Variants in EYS observed in about 807,000 individuals in gnomAD.
EYS encodes protein eyes shut homolog.
Under a neutral mutation model 282.1 loss-of-function variants are expected in EYS, and 250 were observed. That is an observed-to-expected ratio of 0.89 (90% CI 0.80 to 0.98). The LOEUF is 0.98. EYS is among the 50% of genes least tolerant of loss of function. EYS has a pLI of 0.00. For missense variants in EYS, 4,016 were observed against 3,709.0 expected (o/e 1.08, Z -2.15); for synonymous variants, 1,355 against 1,282.9 (o/e 1.06, Z -1.20).
At chr6:64,343,298 T>C (rs1203130282) in intron 29 of EYS, among the ~76,000 whole-genome samples, 1 of 151,968 alleles carries the variant, frequency 6.6e-6, no homozygotes, top group South Asian at 2.1e-4. Flanking sequence ...ATTGACCACA[T>C]AGTTGGAAGT....
At chr6:65,214,950 T>C (rs768551467) in intron 12 of EYS, among the ~76,000 whole-genome samples, 1 of 152,164 alleles carries the variant, frequency 6.6e-6, no homozygotes, top group Admixed American at 6.5e-5. Context: ...TTAAGCCCAC[T>C]GTTGAGAACT....
At chr6:64,174,852 G>T (rs918194250) in intron 31 of EYS, among the ~76,000 whole-genome samples, 2 of 151,842 alleles carry the variant, frequency 1.3e-5, no homozygotes, top group South Asian at 4.2e-4. Flanking sequence ...AAGAAAAAAT[G>T]GTAAAATATC....
intron 23 of EYS, among the ~76,000 whole-genome samples, chr6:64,618,239 A>G (rs574506075): frequency 1.3e-5 from 2 of 152,284 alleles, no homozygotes; most frequent in Non-Finnish European, 2.9e-5. Flanking sequence ...CCATAAGCTA[A>G]TATCTCAGCT....
At chr6:63,955,774 C>T (rs112811753) in intron 35 of EYS, among the ~76,000 whole-genome samples, 2,994 of 152,176 alleles carry the variant, frequency 0.02, 89 homozygotes, top group African/African-American at 0.062. Flanking sequence ...CAAGTAATTA[C>T]GCTGAACCCC....
At chr6:64,593,814 A>C (rs1766484249) in intron 24 of EYS, among the ~76,000 whole-genome samples, 1 of 152,152 alleles carries the variant, frequency 6.6e-6, no homozygotes, top group African/African-American at 2.4e-5. Flanking sequence ...TTTTAGTTTG[A>C]CATGAAAAGG....
At chr6:64,422,352 C>T (rs1015856649) in intron 28 of EYS, among the ~76,000 whole-genome samples, 2 of 152,096 alleles carry the variant, frequency 1.3e-5, no homozygotes, top group African/African-American at 4.8e-5. Context: ...TACAGACAAG[C>T]CAAGGGCCTA....
chr6:64,056,193 T>A (rs1770977478), intron 33 of EYS, among the ~76,000 whole-genome samples: 1 of 152,174 alleles, frequency 6.6e-6, no homozygotes, highest in Non-Finnish European at 1.5e-5. Context: ...CTAATAAACT[T>A]TGTGCATGCA....
chr6:65,320,928 T>C (rs1008197722), intron 11 of EYS, among the ~76,000 whole-genome samples: 1 of 152,056 alleles, frequency 6.6e-6, no homozygotes, highest in Non-Finnish European at 1.5e-5. Context: ...TCCTGTGGAG[T>C]TGGCTAAGGC....
chr6:63,783,532 T>C (rs1770289075), intron 39 of EYS, among the ~76,000 whole-genome samples: 1 of 152,086 alleles, frequency 6.6e-6, no homozygotes. Flanking sequence ...AAAATCCTAT[T>C]CTCCAGAAGC....
chr6:65,422,863 C>T (rs1767519338), intron 5 of EYS, among the ~76,000 whole-genome samples: 1 of 151,398 alleles, frequency 6.6e-6, no homozygotes, highest in Non-Finnish European at 1.5e-5. Context: ...TTTATGTGTA[C>T]ATCCTACAAA....
intron 9 of EYS, among the ~76,000 whole-genome samples, chr6:65,352,194 C>A (rs549649797): frequency 6.6e-6 from 1 of 151,842 alleles, no homozygotes; most frequent in Non-Finnish European, 1.5e-5. Flanking sequence ...AATAAATTAT[C>A]ATGTTTTCTG....
At chr6:64,276,619 G>A (rs1055252833) in intron 30 of EYS, among the ~76,000 whole-genome samples, 5 of 152,046 alleles carry the variant, frequency 3.3e-5, no homozygotes, top group Non-Finnish European at 4.4e-5. Context: ...AAGGAAAGAC[G>A]GTAATGCTAG....
At chr6:65,557,639 C>T (rs567172064) in intron 2 of EYS, among the ~76,000 whole-genome samples, 63 of 152,232 alleles carry the variant, frequency 4.1e-4, no homozygotes, top group Admixed American at 1.3e-3. Context: ...TCTGGGAGTG[C>T]GTCACCACCT....
At chr6:65,562,856 A>C (rs747246318) in intron 2 of EYS, among the ~76,000 whole-genome samples, 1 of 152,104 alleles carries the variant, frequency 6.6e-6, no homozygotes, top group Non-Finnish European at 1.5e-5. Flanking sequence ...TTTTGTAAAA[A>C]TGTGATATTA....
intron 13 of EYS, among the ~76,000 whole-genome samples, chr6:65,024,097 C>T (rs1360895385): frequency 6.6e-6 from 1 of 152,056 alleles, no homozygotes; most frequent in African/African-American, 2.4e-5. Context: ...ACAAAACTAA[C>T]TTTAACTTGA....
At chr6:65,223,322 A>G (rs1030996824) in intron 12 of EYS, among the ~76,000 whole-genome samples, 1 of 152,110 alleles carries the variant, frequency 6.6e-6, no homozygotes, top group South Asian at 2.1e-4. Flanking sequence ...AGCCGAGATC[A>G]TGCCATTGCA....
In EYS at chr6:64,911,725, G is replaced by A. The variant is rs180941564; in HGVS notation, c.2641+759C>T. Among the ~76,000 whole-genome samples the A allele has an allele frequency of 1.1e-4, 16 of 152,220 alleles. 1 individual carries two copies. The highest frequency in any genetic ancestry group is 3.8e-4 in the African/African-American group (16 of 41,566). ...TCTAGTTATTCTGAAAACCGGCCAT[G>A]TGTTTTGGAGCAGAAGCATTTCCAC... On this transcript the variant is annotated intron_variant, in intron 16 of 42. Coordinates refer to ENST00000503581, the MANE Select transcript of EYS (RefSeq NM_001142800.2).
intron 22 of EYS, among the ~76,000 whole-genome samples, chr6:64,652,071 T>C (rs1233354222): frequency 6.6e-6 from 1 of 152,206 alleles, no homozygotes; most frequent in Non-Finnish European, 1.5e-5. Context: ...GGGAGCAATT[T>C]CCCTGCCAAG....
At position 63,762,631 on chromosome 6, in the gene EYS, C is replaced by T. The variant is rs1769674274; in HGVS notation, c.7901G>A (p.Cys2634Tyr). Residue 2634 changes from cysteine (C) to tyrosine (Y), a missense_variant and splice_region_variant, in exon 41 of 43, where the codon TGC (cysteine) becomes TAC (tyrosine). Cys to Tyr is a radical substitution (Grantham distance 194). Coordinates refer to ENST00000503581, the MANE Select transcript of EYS (RefSeq NM_001142800.2). ...TCCTTTCCACCCAGTGGTACAATTGCAGCTGTGGGTTGAGAGAAAGCCGCA... is the reference window on the plus strand; with the variant it reads ...TCCTTTCCACCCAGTGGTACAATTGTAGCTGTGGGTTGAGAGAAAGCCGCA... Reference protein sequence around the residue: ...TCIESGTSVYCNCTTGWKGSF... With the variant: ...TCIESGTSVYYNCTTGWKGSF... 6.5e-7 allele frequency: 1 copy of T among 1,549,594 alleles called. No individual in the cohort carries two copies. The highest frequency in any genetic ancestry group is 8.7e-7 in the Non-Finnish European group (1 of 1,145,770).
Sources: allele counts gnomAD v4.1 joint callset (sites outside exome capture counted in the v4.1 genomes callset), GRCh38; gene constraint gnomAD v4.1.1; transcripts MANE v1.5; gene names NCBI Gene and HGNC (gene_info 2026-07-23, HGNC 2026-07-21).